FAM185A: variants seen among roughly 807,000 people sequenced by gnomAD.
The protein encoded by FAM185A is protein FAM185A.
A neutral mutation model predicts 45.7 loss-of-function variants in FAM185A; 21 were observed. The observed-to-expected ratio is 0.46, with a 90% CI of 0.33 to 0.66. The LOEUF is 0.66. Among genes scored for constraint, FAM185A ranks in the 30% least tolerant of loss-of-function variants. FAM185A has a pLI of 0.03. For missense variants in FAM185A, 305 were observed against 485.4 expected (o/e 0.63, Z 3.49); for synonymous variants, 117 against 194.0 (o/e 0.60, Z 3.30).
At chr7:102,822,495 A>G in the FAM185A span, 1 of 540,742 alleles carries the variant, frequency 1.8e-6, no homozygotes, top group East Asian at 4.7e-5. Flanking sequence ...TTATATGGTC[A>G]TAATCCCATC....
At chr7:102,847,360 T>C in the FAM185A span, among the ~76,000 whole-genome samples, 1 of 152,212 alleles carries the variant, frequency 6.6e-6, no homozygotes, top group Non-Finnish European at 1.5e-5. Context: ...AAATTAGGAC[T>C]CTTGACAGCT....
chr7:102,827,335 G>A, the FAM185A span, among the ~76,000 whole-genome samples: 1 of 152,108 alleles, frequency 6.6e-6, no homozygotes, highest in Non-Finnish European at 1.5e-5. Context: ...CAACCCTGGG[G>A]CCAACCACTG....
At chr7:102,783,795 C>G (rs1229754343) in intron 6 of FAM185A, among the ~76,000 whole-genome samples, 1 of 152,088 alleles carries the variant, frequency 6.6e-6, no homozygotes, top group East Asian at 1.9e-4. Context: ...AGAGCAAACA[C>G]ATTCAAAAAC....
In FAM185A at chr7:102,749,356, C is replaced by G; in HGVS notation, c.149C>G (p.Ser50Trp). Residue 50 changes from serine to tryptophan, a missense_variant, in exon 1 of 8, where the codon TCG becomes TGG. This residue lies in a region of FAM185A where 174 missense variants were observed against 247.1 expected (regional missense o/e 0.70). Coordinates refer to ENST00000413034, the MANE Select transcript of FAM185A (RefSeq NM_001145268.2). Reference protein sequence around the residue: ...SSGGSERWPGSETEVPPPGPG... With the variant: ...SSGGSERWPGWETEVPPPGPG... ...GGTGGGAGCGAGCGCTGGCCCGGAT[C>G]GGAGACTGAGGTCCCTCCGCCTGGC... is the stretch of plus-strand genomic sequence containing the variant. 1 of 1,549,016 alleles carries G rather than the reference C, an allele frequency of 6.5e-7. No individual in the cohort carries two copies. The highest frequency in any genetic ancestry group is 8.7e-7 in the Non-Finnish European group (1 of 1,146,712).
At chr7:102,754,757 T>C (rs1793594498) in intron 2 of FAM185A, among the ~76,000 whole-genome samples, 2 of 152,252 alleles carry the variant, frequency 1.3e-5, no homozygotes, top group South Asian at 4.1e-4. Flanking sequence ...AAGACCACAT[T>C]TGTACAGCAT....
chr7:102,811,674 TC>T (rs1797447037), downstream of FAM185A, among the ~76,000 whole-genome samples: 1 of 152,204 alleles, frequency 6.6e-6, no homozygotes, highest in African/African-American at 2.4e-5. Context: ...TTTTATAAGT[TC>T]CACCAGTTGT....
downstream of FAM185A, chr7:102,813,520 T>G: frequency 6.2e-7 from 1 of 1,613,950 alleles, no homozygotes; most frequent in East Asian, 2.2e-5. Context: ...TGACATTCTT[T>G]GAGCTGCCTT....
the FAM185A span, among the ~76,000 whole-genome samples, chr7:102,843,464 A>T: frequency 0.011 from 1,629 of 152,094 alleles, 36 homozygotes; most frequent in African/African-American, 0.038. Flanking sequence ...AACAAAAAAC[A>T]AAAAAACCTG....
chr7:102,781,577 A>G lies in FAM185A; in HGVS notation c.931+4229A>G, dbSNP rs1795411057. ...TGGAGTAGACCTCCAGCAAACTCCA[A>G]CAGACCTGCAGCTGAGGGTCCTGAC... On this transcript the variant is annotated intron_variant, in intron 6 of 7. Coordinates refer to ENST00000413034, the MANE Select transcript of FAM185A (RefSeq NM_001145268.2). 2.0e-5 allele frequency among the ~76,000 whole-genome samples: 3 copies of G among 152,226 alleles called. 1 individual carries two copies. The highest frequency in any genetic ancestry group is 2.0e-4 in the Admixed American group (3 of 15,286).
the FAM185A span, among the ~76,000 whole-genome samples, chr7:102,841,102 C>A: frequency 1.3e-5 from 2 of 152,238 alleles, no homozygotes. Flanking sequence ...TCAGGCAAGG[C>A]ACAATGAGCA....
In FAM185A at chr7:102,749,440, G is replaced by A; in HGVS notation, c.233G>A (p.Arg78Gln). The change falls in exon 1 of 8, where the codon CGG becomes CAG. Residue 78 changes from arginine (R) to glutamine (Q), a missense_variant. Arg to Gln is a conservative substitution (Grantham distance 43). Around this residue, in one of 5 missense-constraint regions of FAM185A, gnomAD observed 174 missense variants for 247.1 expected, o/e 0.70. Transcript: ENST00000413034. ...TLQVSPFGRLRARLPCHLAVR... is the reference protein window; with the variant it reads ...TLQVSPFGRLQARLPCHLAVR... Reference sequence around the variant, plus strand: ...CAGGTGAGCCCGTTTGGTCGGCTGCGGGCGCGGCTCCCGTGCCACCTGGCC... The same window carrying A: ...CAGGTGAGCCCGTTTGGTCGGCTGCAGGCGCGGCTCCCGTGCCACCTGGCC... 13 of 1,547,938 alleles carry A rather than the reference G, an allele frequency of 8.4e-6. No individual in the cohort carries two copies. The highest frequency in any genetic ancestry group is 1.1e-5 in the Non-Finnish European group (13 of 1,146,176).
At chr7:102,822,576 A>T in the FAM185A span, 1 of 402,980 alleles carries the variant, frequency 2.5e-6, no homozygotes, top group Admixed American at 3.1e-5. Context: ...TATTACTGTC[A>T]CAGTGGGAGT....
intron 3 of FAM185A, among the ~76,000 whole-genome samples, chr7:102,760,298 C>T (rs1794034764): frequency 6.6e-6 from 1 of 151,934 alleles, no homozygotes. Flanking sequence ...ATACCTCTGT[C>T]AGGAAGATAC....
Position 102,761,387 on chromosome 7 carries a change from G to C in FAM185A, c.769G>C (p.Asp257His), listed in dbSNP as rs1418698030. The change falls in exon 4 of 8, where the codon GAT (aspartate) becomes CAT (histidine). Residue 257 changes from aspartate (D) to histidine (H), a missense_variant. Coordinates refer to ENST00000413034, the MANE Select transcript of FAM185A (RefSeq NM_001145268.2). Reference sequence around the variant, plus strand: ...ATCATTTCTGTCTTCTGCTGCTGGGGATATTACATTAGGAAGTGTTCATGG... The same window carrying C: ...ATCATTTCTGTCTTCTGCTGCTGGGCATATTACATTAGGAAGTGTTCATGG... Reference protein sequence around the residue: ...ESSFLSSAAGDITLGSVHGNI... With the variant: ...ESSFLSSAAGHITLGSVHGNI... 2.6e-6 allele frequency: 4 copies of C among 1,536,690 alleles called. No homozygotes were observed. The highest frequency in any genetic ancestry group is 3.5e-6 in the Non-Finnish European group (4 of 1,141,880).
intron 5 of FAM185A, among the ~76,000 whole-genome samples, chr7:102,776,143 C>G (rs1286394419): frequency 2.2e-5 from 2 of 92,636 alleles, no homozygotes; most frequent in Admixed American, 1.9e-4. Context: ...GTTTTGTAAA[C>G]AGTATAATTT....
At chr7:102,766,788 T>TTTTTTG (rs1554368066) in intron 4 of FAM185A, among the ~76,000 whole-genome samples, 11 of 151,736 alleles carry the variant, frequency 7.2e-5, no homozygotes, top group Admixed American at 6.6e-5. Context: ...TTTTTTGTTT[T>TTTTTTG]TTTTGTTTTG....
chr7:102,840,106 T>C, the FAM185A span, among the ~76,000 whole-genome samples: 1 of 151,800 alleles, frequency 6.6e-6, no homozygotes, highest in African/African-American at 2.4e-5. Flanking sequence ...AGAAGGAAAA[T>C]TGGAAGAAAT....
the FAM185A span, among the ~76,000 whole-genome samples, chr7:102,820,256 C>T: frequency 6.6e-6 from 1 of 152,304 alleles, no homozygotes; most frequent in East Asian, 1.9e-4. Context: ...ACCAAACCAG[C>T]CCCTTTCTAA....
rs1584320174 is a variant in FAM185A, at chr7:102,780,343, CA to C, written c.931+2997del. Among the ~76,000 whole-genome samples the C allele has an allele frequency of 3.9e-5, 6 of 152,122 alleles. No homozygotes were observed. The East Asian group carries it at 1.2e-3, about 29-fold the overall frequency. On this transcript the variant is annotated intron_variant, in intron 6 of 7. Coordinates refer to ENST00000413034, the MANE Select transcript of FAM185A (RefSeq NM_001145268.2). ...GGAGTGTGTTGGTGAATTTACACTG[CA>C]ACCCACATAATTCTAAAAATGATTC...
Sources: allele counts gnomAD v4.1 joint callset (sites outside exome capture counted in the v4.1 genomes callset), GRCh38; gene constraint gnomAD v4.1.1; regional missense constraint gnomAD v4.1.1; transcripts MANE v1.5; gene names NCBI Gene and HGNC (gene_info 2026-07-23, HGNC 2026-07-21).